Variants in TRPS1 observed in about 807,000 individuals in gnomAD.
The protein encoded by TRPS1 is transcriptional repressor GATA binding 1, also known as zinc finger transcription factor Trps1.
A neutral mutation model predicts 101.2 loss-of-function variants in TRPS1; 6 were observed. The ratio of observed to expected loss-of-function variants is 0.06; its 90% confidence interval spans 0.03 to 0.12. TRPS1 has a LOEUF of 0.12. Ranked by LOEUF, TRPS1 falls within the 10% of genes least tolerant of loss-of-function variation. The pLI is 1.00. For missense variants in TRPS1, 1,363 were observed against 1,567.0 expected (o/e 0.87, Z 2.20); for synonymous variants, 578 against 589.8 (o/e 0.98, Z 0.29).
chr8:115,516,954 G>C (rs1815727429), intron 5 of TRPS1, among the ~76,000 whole-genome samples: 1 of 151,236 alleles, frequency 6.6e-6, no homozygotes, highest in Non-Finnish European at 1.5e-5. Flanking sequence ...AGGGAGGAAA[G>C]TCCTAATGCT....
intron 5 of TRPS1, among the ~76,000 whole-genome samples, chr8:115,437,311 G>A (rs1813480823): frequency 2.0e-5 from 3 of 152,232 alleles, no homozygotes; most frequent in Admixed American, 2.0e-4. Context: ...GGGTGCCATG[G>A]TCCACTATTT....
At chr8:115,426,144 A>G (rs1813181214) in intron 5 of TRPS1, among the ~76,000 whole-genome samples, 1 of 152,138 alleles carries the variant, frequency 6.6e-6, no homozygotes, top group African/African-American at 2.4e-5. Context: ...AAGTAGCTCT[A>G]TGGGGACTTT....
chr8:115,661,042 C>T (rs1030914994), intron 1 of TRPS1, among the ~76,000 whole-genome samples: 68 of 152,052 alleles, frequency 4.5e-4, no homozygotes, highest in African/African-American at 1.6e-3. Context: ...AGTGGTAGCC[C>T]ATAAAGTGAT....
At chr8:115,606,077 T>C (rs1239788441) in intron 3 of TRPS1, among the ~76,000 whole-genome samples, 2 of 152,216 alleles carry the variant, frequency 1.3e-5, no homozygotes, top group Admixed American at 6.5e-5. Context: ...GCAAGTGGCA[T>C]AATCATCTTC....
chr8:115,509,656 A>T (rs1298325047), intron 5 of TRPS1: 1 of 152,042 alleles, frequency 6.6e-6, no homozygotes, highest in Non-Finnish European at 1.5e-5. Context: ...AAAGAAGTTG[A>T]TCCATTTTGA....
intron 5 of TRPS1, among the ~76,000 whole-genome samples, chr8:115,549,493 C>T (rs1055534212): frequency 1.5e-4 from 23 of 152,038 alleles, no homozygotes; most frequent in African/African-American, 4.6e-4. Context: ...CATATATAGT[C>T]CATTGTACTC....
At chr8:115,538,354 T>A (rs959547484) in intron 5 of TRPS1, among the ~76,000 whole-genome samples, 1 of 152,220 alleles carries the variant, frequency 6.6e-6, no homozygotes, top group Non-Finnish European at 1.5e-5. Flanking sequence ...CATAGTTAAG[T>A]ATTATTTTGT....
chr8:115,626,897 C>T (rs1462121131), intron 1 of TRPS1, among the ~76,000 whole-genome samples: 5 of 151,720 alleles, frequency 3.3e-5, no homozygotes, highest in Admixed American at 1.3e-4. Context: ...TTCAAATGCA[C>T]TTGTCTAGGT....
intron 1 of TRPS1, among the ~76,000 whole-genome samples, chr8:115,665,807 A>G (rs1048381019): frequency 1.3e-5 from 2 of 152,354 alleles, no homozygotes; most frequent in East Asian, 3.9e-4. Flanking sequence ...TACAGCATCT[A>G]GAATTCAAAG....
chr8:115,527,436 C>G (rs1816025763), intron 5 of TRPS1, among the ~76,000 whole-genome samples: 1 of 151,922 alleles, frequency 6.6e-6, no homozygotes, highest in Non-Finnish European at 1.5e-5. Flanking sequence ...GAAGATCATA[C>G]TATTCCTGAC....
intron 5 of TRPS1, among the ~76,000 whole-genome samples, chr8:115,575,372 A>T (rs1295798880): frequency 1.3e-5 from 2 of 152,066 alleles, no homozygotes; most frequent in Non-Finnish European, 2.9e-5. Flanking sequence ...TAAACATACA[A>T]ATCTATGTTT....
Position 115,619,782 on chromosome 8 carries a change from T to C in TRPS1, c.316A>G (p.Lys106Glu). The change falls in exon 3 of 7, where the codon AAG becomes GAG. Residue 106 changes from lysine (K) to glutamate (E), a missense_variant. Physicochemically the swap from Lys to Glu is moderately conservative, Grantham distance 56. Coordinates refer to ENST00000395715, the MANE Select transcript of TRPS1 (RefSeq NM_014112.5). ...KAGFNYESPS[K>E]GGNFPSFPHD... ...GGAAAGGAGGGAAAGTTTCCTCCCT[T>C]ACTGGGGCTTTCATAATTGAAGCCA... 6.2e-7 allele frequency: 1 copy of C among 1,614,198 alleles called. No individual in the cohort carries two copies. Among genetic ancestry groups the C allele is most frequent in the Non-Finnish European group, 8.5e-7 (1 of 1,180,030 alleles).
At chr8:115,636,352 C>T (rs1320091050) in intron 1 of TRPS1, among the ~76,000 whole-genome samples, 1 of 152,104 alleles carries the variant, frequency 6.6e-6, no homozygotes, top group Non-Finnish European at 1.5e-5. Context: ...AGTACCAATG[C>T]AACCCCAAAT....
chr8:115,524,820 A>G lies in TRPS1; in HGVS notation c.2700+62181T>C, dbSNP rs906594179. 3.9e-5 allele frequency among the ~76,000 whole-genome samples: 6 copies of G among 152,230 alleles called. No homozygotes were observed. In the East Asian group the frequency reaches 1.2e-3, roughly 29 times the overall value. ...ATTAAATTAACTGTCTTCAATAAAC[A>G]TCTTAGTATCGATCAACATAATTTT... is the stretch of plus-strand genomic sequence containing the variant. On this transcript the variant is annotated intron_variant, in intron 5 of 6. Transcript: ENST00000395715.
chr8:115,612,685 A>G (rs1326848599), intron 3 of TRPS1, among the ~76,000 whole-genome samples: 2 of 152,246 alleles, frequency 1.3e-5, no homozygotes, highest in East Asian at 3.8e-4. Flanking sequence ...GGATGCAGGC[A>G]TTCTTTAATC....
intron 5 of TRPS1, among the ~76,000 whole-genome samples, chr8:115,563,495 C>T (rs1201427739): frequency 6.6e-6 from 1 of 152,050 alleles, no homozygotes; most frequent in African/African-American, 2.4e-5. Context: ...CGATGGTTAG[C>T]CAGAAGGTGG....
chr8:115,438,692 A>G (rs552981871), intron 5 of TRPS1, among the ~76,000 whole-genome samples: 2 of 152,208 alleles, frequency 1.3e-5, no homozygotes, highest in East Asian at 3.9e-4. Context: ...TAGTAACCTC[A>G]TCGGCTTTGA....
intron 5 of TRPS1, among the ~76,000 whole-genome samples, chr8:115,469,277 T>A (rs939942878): frequency 1.3e-5 from 2 of 152,212 alleles, no homozygotes; most frequent in African/African-American, 4.8e-5. Flanking sequence ...ATCTGCAATA[T>A]GTTTGGCAGC....
At chr8:115,492,802 C>T (rs1474268052) in intron 5 of TRPS1, among the ~76,000 whole-genome samples, 2 of 152,074 alleles carry the variant, frequency 1.3e-5, no homozygotes, top group East Asian at 1.9e-4. Context: ...CAACCACCAC[C>T]TCCCAGGTCC....
Sources: gnomAD v4.1 joint callset for allele counts (sites outside exome capture counted in the v4.1 genomes callset) on GRCh38, gnomAD v4.1.1 for gene constraint, MANE v1.5 for transcripts, NCBI Gene and HGNC (gene_info 2026-07-23, HGNC 2026-07-21) for gene names.